The following ADGRG6 variants were observed in gnomAD, a reference collection of about 807,000 sequenced individuals.
ADGRG6 encodes the protein adhesion G protein-coupled receptor G6.
A neutral mutation model predicts 142.4 loss-of-function variants in ADGRG6; 84 were observed. The ratio of observed to expected loss-of-function variants is 0.59; its 90% CI spans 0.49 to 0.71. The LOEUF is 0.71. Ranked by LOEUF, ADGRG6 falls within the 30% of genes least tolerant of loss-of-function variation. The probability of loss-of-function intolerance (pLI) is 0.00; values close to 1 mark genes in which losing one functional copy is unlikely to be tolerated. For synonymous variants in ADGRG6, 521 were observed against 520.5 expected (o/e 1.00, Z -0.01); for missense variants, 1,367 against 1,466.6 (o/e 0.93, Z 1.11).
At chr6:142,332,718 C>G (rs368941000) in intron 2 of ADGRG6, among the ~76,000 whole-genome samples, 1 of 152,112 alleles carries the variant, frequency 6.6e-6, no homozygotes, top group East Asian at 1.9e-4. Flanking sequence ...TTGTGTTTAT[C>G]TTTTAGACAT....
intron 2 of ADGRG6, among the ~76,000 whole-genome samples, chr6:142,358,482 T>C (rs1163604794): frequency 1.3e-5 from 2 of 152,254 alleles, no homozygotes; most frequent in Non-Finnish European, 2.9e-5. Context: ...AAACTGTCAG[T>C]GCAGCTTGCT....
chr6:142,411,765 G>A (rs568378047), intron 18 of ADGRG6, among the ~76,000 whole-genome samples: 37 of 152,186 alleles, frequency 2.4e-4, no homozygotes, highest in Non-Finnish European at 5.3e-4. Flanking sequence ...AGTTAAAGAA[G>A]AAAATGTTGG....
At position 142,317,910 on chromosome 6, in the gene ADGRG6, ATATATATTT is replaced by A. The variant is rs1778208206; in HGVS notation, c.103+8267_103+8275del. Among the ~76,000 whole-genome samples the A allele has an allele frequency of 6.8e-5, 5 of 73,740 alleles. No individual in the cohort carries two copies. The Admixed American group carries it at 1.2e-3, about 18-fold the overall frequency. 48.4% of individuals were successfully genotyped at this position (73,740 alleles called of 152,430 possible). A position where few individuals can be genotyped will look rare whatever the true frequency, so the allele number is the denominator to read the frequency against. On this transcript the variant is annotated intron_variant, in intron 2 of 24. Transcript: ENST00000367609. ...TTTATATTATATATTTATATATATT[ATATATATTT>A]ATATTATATATTTATATATTATATA...
chr6:142,345,524 A>T (rs749552469), intron 2 of ADGRG6, among the ~76,000 whole-genome samples: 4 of 152,138 alleles, frequency 2.6e-5, no homozygotes, highest in Non-Finnish European at 5.9e-5. Flanking sequence ...TTTACATGTC[A>T]GTGAAATACA....
intron 22 of ADGRG6, among the ~76,000 whole-genome samples, chr6:142,425,097 G>A: frequency 6.6e-6 from 1 of 152,156 alleles, no homozygotes; most frequent in East Asian, 1.9e-4. Flanking sequence ...AAGCAGAGAG[G>A]CACAACAGAG....
intron 2 of ADGRG6, among the ~76,000 whole-genome samples, chr6:142,327,903 CAT>C (rs1351808867): frequency 1.3e-5 from 2 of 151,966 alleles, no homozygotes; most frequent in Non-Finnish European, 2.9e-5. Flanking sequence ...CTTTATTTTG[CAT>C]ATTGTTTCTT....
In ADGRG6 at chr6:142,402,759, C is replaced by T. The variant is rs955803354; in HGVS notation, c.1884C>T (p.Gly628=). 5 of 1,600,178 alleles carry T rather than the reference C, an allele frequency of 3.1e-6. No individual in the cohort carries two copies. In the African/African-American group the frequency reaches 6.7e-5, roughly 21 times the overall value. The stretch of plus-strand genomic sequence containing the variant: ...AAGAAAACATTGATATAACACTTGG[C>T]TCAACTCTAATGAATATATTTTCTA... The part of the protein sequence containing the change: ...NKEENIDITL[G]STLMNIFSNI... The change falls in exon 13 of 25, where the codon GGC becomes GGT. Residue 628 remains glycine (G), a synonymous_variant. Coordinates refer to ENST00000367609, the MANE Select transcript of ADGRG6 (RefSeq NM_198569.3).
At chr6:142,345,340 G>C (rs1779848309) in intron 2 of ADGRG6, among the ~76,000 whole-genome samples, 1 of 152,016 alleles carries the variant, frequency 6.6e-6, no homozygotes, top group Non-Finnish European at 1.5e-5. Context: ...AGTCAAGGCT[G>C]TTCTGCTTAT....
chr6:142,385,240 C>G (rs543242079), intron 6 of ADGRG6, among the ~76,000 whole-genome samples: 6 of 152,158 alleles, frequency 3.9e-5, no homozygotes, highest in Non-Finnish European at 8.8e-5. Flanking sequence ...GGCCATCTCT[C>G]TCTGCGTCAT....
chr6:142,367,931 G>T, intron 3 of ADGRG6, 21 bp downstream of exon 3: 1 of 1,367,694 alleles, frequency 7.3e-7, no homozygotes, highest in Non-Finnish European at 1.0e-6. Context: ...CAAAGGCAAC[G>T]CCAACCTTCT....
chr6:142,397,543 C>G, intron 9 of ADGRG6, 70 bp from the exon 10 acceptor site: 1 of 1,429,326 alleles, frequency 7.0e-7, no homozygotes, highest in South Asian at 1.2e-5. Flanking sequence ...TCCAAATACT[C>G]TGTTTCTCCT....
chr6:142,356,950 A>G (rs923421711), intron 2 of ADGRG6, among the ~76,000 whole-genome samples: 2 of 152,130 alleles, frequency 1.3e-5, no homozygotes, highest in Admixed American at 6.5e-5. Context: ...CCCTCTCCAG[A>G]TGTTATTGTG....
intron 2 of ADGRG6, among the ~76,000 whole-genome samples, chr6:142,335,724 A>G (rs1029511721): frequency 6.6e-6 from 1 of 152,142 alleles, no homozygotes; most frequent in Non-Finnish European, 1.5e-5. Flanking sequence ...GAGAAAAGAG[A>G]TCTCTGAGCT....
rs757051854 is a variant in ADGRG6, at chr6:142,408,151, A to G, written c.2270A>G (p.Asp757Gly). ...TFFNKTGLFQ[D>G]VGPQRKTLVS... ...ACGCGATTTTTTTTTCTTTAAAAGG[A>G]TGTAGGACCCCAAAGAAAAACTTTA... Residue 757 changes from aspartate (D) to glycine (G), a missense_variant and splice_region_variant, in exon 16 of 25, where the codon GAT becomes GGT. Around this residue, in one of 3 missense-constraint regions of ADGRG6, gnomAD observed 286 missense variants for 371.4 expected, o/e 0.77. Coordinates refer to ENST00000367609, the MANE Select transcript of ADGRG6 (RefSeq NM_198569.3). The G allele has an allele frequency of 6.4e-7, 1 of 1,572,014 alleles. No homozygotes were observed. The highest frequency in any genetic ancestry group is 8.6e-7 in the Non-Finnish European group (1 of 1,156,830).
chr6:142,305,406 C>G (rs948914482), intron 1 of ADGRG6, among the ~76,000 whole-genome samples: 43 of 112,142 alleles, frequency 3.8e-4, no homozygotes, highest in African/African-American at 1.4e-3. Context: ...TCCTTTCCTG[C>G]CCCCCCCCAC....
rs114339122 is a variant in ADGRG6 at position 142,324,939 on chromosome 6, C to A, written c.103+15295C>A. On this transcript the variant is annotated intron_variant, in intron 2 of 24. Coordinates refer to ENST00000367609, the MANE Select transcript of ADGRG6 (RefSeq NM_198569.3). ...AGAAGGGAGACATTTATAATTAAGG[C>A]AACGTATCCACTCTTCAGTTTGATG... Among the ~76,000 whole-genome samples, 475 of 152,146 alleles carry A rather than the reference C, an allele frequency of 3.1e-3. 4 individuals carry two copies. Among genetic ancestry groups the A allele is most frequent in the African/African-American group, 0.011 (454 of 41,518 alleles).
intron 1 of ADGRG6, among the ~76,000 whole-genome samples, chr6:142,307,576 G>C (rs1166242483): frequency 6.6e-6 from 1 of 151,870 alleles, no homozygotes; most frequent in Non-Finnish European, 1.5e-5. Context: ...AGTTCTTTTT[G>C]GTGGGTAATA....
chr6:142,420,244 C>A, intron 22 of ADGRG6, 140 bp downstream of exon 22: 1 of 690,168 alleles, frequency 1.4e-6, no homozygotes, highest in Non-Finnish European at 2.5e-6. Flanking sequence ...GCAGTGTGGT[C>A]ACTTGTTAAA....
chr6:142,429,695 G>C (rs1202071954), intron 22 of ADGRG6, among the ~76,000 whole-genome samples: 2 of 152,276 alleles, frequency 1.3e-5, no homozygotes, highest in East Asian at 3.9e-4. Flanking sequence ...GGTACCTAGA[G>C]TGTGTGGCCA....
Sources: allele counts gnomAD v4.1 joint callset (sites outside exome capture counted in the v4.1 genomes callset), GRCh38; gene constraint gnomAD v4.1.1; regional missense constraint gnomAD v4.1.1; transcripts MANE v1.5; gene names NCBI Gene and HGNC (gene_info 2026-07-23, HGNC 2026-07-21).